Variants in ZFHX4 observed in about 807,000 individuals in gnomAD.
ZFHX4 encodes zinc finger homeobox protein 4.
A neutral mutation model predicts 267.6 loss-of-function variants in ZFHX4; 56 were observed. That is an observed-to-expected ratio of 0.21 (90% CI 0.17 to 0.26). The LOEUF (loss-of-function observed/expected upper bound fraction) is 0.26, where lower values mean the gene tolerates loss of function less well. Among genes scored for constraint, ZFHX4 ranks in the 10% least tolerant of loss-of-function variants. The pLI is 1.00. For missense variants in ZFHX4, 4,332 were observed against 4,420.0 expected (o/e 0.98, Z 0.56); for synonymous variants, 1,778 against 1,665.6 (o/e 1.07, Z -1.64).
At chr8:76,843,867 C>T (rs993916615) in intron 6 of ZFHX4, among the ~76,000 whole-genome samples, 3 of 152,220 alleles carry the variant, frequency 2.0e-5, no homozygotes, top group Non-Finnish European at 2.9e-5. Context: ...TTTTCATTCC[C>T]TTTAAAAATT....
intron 5 of ZFHX4, among the ~76,000 whole-genome samples, chr8:76,835,876 T>C (rs1362092058): frequency 6.6e-6 from 1 of 152,204 alleles, no homozygotes; most frequent in Non-Finnish European, 1.5e-5. Flanking sequence ...TGAGAATCTT[T>C]GGACTTAGAT....
At chr8:76,701,870 C>A (rs947299681) in intron 1 of ZFHX4, among the ~76,000 whole-genome samples, 1 of 152,080 alleles carries the variant, frequency 6.6e-6, no homozygotes, top group Non-Finnish European at 1.5e-5. Flanking sequence ...AAATCACCCT[C>A]GGTTCTGGAA....
intron 4 of ZFHX4, among the ~76,000 whole-genome samples, chr8:76,799,870 C>T (rs1166765094): frequency 2.0e-5 from 3 of 152,130 alleles, no homozygotes; most frequent in Admixed American, 1.3e-4. Flanking sequence ...TGGCTGTATA[C>T]CTCCCGTGTT....
At chr8:76,808,021 A>T (rs1318308657) in intron 4 of ZFHX4, among the ~76,000 whole-genome samples, 1 of 152,106 alleles carries the variant, frequency 6.6e-6, no homozygotes, top group African/African-American at 2.4e-5. Context: ...GTTCCCTTGC[A>T]ATGTTGTTGA....
intron 5 of ZFHX4, among the ~76,000 whole-genome samples, chr8:76,836,133 A>G (rs1812087224): frequency 6.6e-6 from 1 of 152,208 alleles, no homozygotes. Flanking sequence ...TGAATAAGAC[A>G]GATGAAGTCC....
intron 3 of ZFHX4, among the ~76,000 whole-genome samples, chr8:76,755,973 AT>A (rs1809749847): frequency 6.6e-6 from 1 of 152,156 alleles, no homozygotes; most frequent in African/African-American, 2.4e-5. Flanking sequence ...TGTTATTTCC[AT>A]CAACTTGCTT....
At chr8:76,753,001 T>C (rs1299294726) in intron 3 of ZFHX4, among the ~76,000 whole-genome samples, 1 of 152,238 alleles carries the variant, frequency 6.6e-6, no homozygotes, top group African/African-American at 2.4e-5. Context: ...TTTGTACCAG[T>C]GCATGCCAAT....
intron 3 of ZFHX4, among the ~76,000 whole-genome samples, chr8:76,769,409 C>T (rs899514192): frequency 2.6e-5 from 4 of 151,276 alleles, no homozygotes; most frequent in Admixed American, 2.6e-4. Flanking sequence ...GAGTGCAGTG[C>T]CCTGATCACC....
At chr8:76,821,844 A>G (rs1198855563) in intron 4 of ZFHX4, among the ~76,000 whole-genome samples, 1 of 152,152 alleles carries the variant, frequency 6.6e-6, no homozygotes, top group Non-Finnish European at 1.5e-5. Context: ...CAGCTTTGGT[A>G]TGCCTTTTGT....
At chr8:76,850,420 G>A in intron 9 of ZFHX4, 58 bp downstream of exon 9, 2 of 1,361,062 alleles carry the variant, frequency 1.5e-6, no homozygotes, top group Admixed American at 4.3e-5. Context: ...TTGCATTTGT[G>A]GTGGTGCCCA....
chr8:76,745,711 T>C (rs540183611), intron 3 of ZFHX4, among the ~76,000 whole-genome samples: 1 of 152,262 alleles, frequency 6.6e-6, no homozygotes, highest in Admixed American at 6.5e-5. Context: ...TTCATAATAT[T>C]ATGTACAGAA....
chr8:76,785,494 A>T (rs961645087), intron 4 of ZFHX4, among the ~76,000 whole-genome samples: 3 of 152,114 alleles, frequency 2.0e-5, no homozygotes, highest in African/African-American at 7.2e-5. Context: ...TTTAGAATAA[A>T]TGTTATAAAT....
intron 4 of ZFHX4, among the ~76,000 whole-genome samples, chr8:76,814,039 C>T (rs1811441289): frequency 6.6e-6 from 1 of 152,044 alleles, no homozygotes; most frequent in Admixed American, 6.6e-5. Context: ...TAACCGTCAT[C>T]ATGCTATTCT....
intron 4 of ZFHX4, among the ~76,000 whole-genome samples, chr8:76,827,128 G>A (rs1040295414): frequency 1.3e-5 from 2 of 152,220 alleles, no homozygotes; most frequent in African/African-American, 4.8e-5. Context: ...TGGTTTAATG[G>A]AAGACAGTTT....
rs544894589 is a variant in ZFHX4 at position 76,798,901 on chromosome 8, C to T, written c.3325+20462C>T. Among the ~76,000 whole-genome samples, 60 of 152,208 alleles carry T rather than the reference C, an allele frequency of 3.9e-4. 2 individuals are homozygous for T. In the South Asian group the frequency reaches 0.012, roughly 31 times the overall value. ...GGTGTCATACTTACAGCAGATAGAG[C>T]AAATGCATTTGCATCATCCACTCCT... On this transcript the variant is annotated intron_variant, in intron 4 of 10. Transcript: ENST00000651372.
chr8:76,735,467 A>G (rs1351642775), intron 3 of ZFHX4, among the ~76,000 whole-genome samples: 1 of 152,144 alleles, frequency 6.6e-6, no homozygotes, highest in Non-Finnish European at 1.5e-5. Context: ...TTGATTAGGT[A>G]GTATTTTAGT....
rs747307905 is a variant in ZFHX4, at chr8:76,850,953, G to T, written c.4032G>T (p.Lys1344Asn). The T allele has an allele frequency of 6.2e-7, 1 of 1,613,540 alleles. No individual in the cohort carries two copies. The highest frequency in any genetic ancestry group is 1.7e-5 in the Admixed American group (1 of 59,986). ...ATTCAAAGGCTAATGTGGAAGTAAA[G>T]AATGAGGAGCAGAAACCGACTAAAG... ...LEDSKANVEV[K>N]NEEQKPTKEP... The change falls in exon 10 of 11, where the codon AAG becomes AAT. Residue 1344 changes from lysine (K) to asparagine (N), a missense_variant. Coordinates refer to ENST00000651372, the MANE Select transcript of ZFHX4 (RefSeq NM_024721.5).
At chr8:76,748,620 G>A (rs1280325531) in intron 3 of ZFHX4, among the ~76,000 whole-genome samples, 2 of 152,050 alleles carry the variant, frequency 1.3e-5, no homozygotes, top group Non-Finnish European at 2.9e-5. Flanking sequence ...ATTTTCTGTA[G>A]AGATGAGGTC....
At chr8:76,747,039 C>G (rs185519813) in intron 3 of ZFHX4, among the ~76,000 whole-genome samples, 1 of 152,132 alleles carries the variant, frequency 6.6e-6, no homozygotes, top group Admixed American at 6.5e-5. Flanking sequence ...AAACTTCTCA[C>G]GTGCTAAATT....
Sources: allele counts gnomAD v4.1 joint callset (sites outside exome capture counted in the v4.1 genomes callset), GRCh38; gene constraint gnomAD v4.1.1; transcripts MANE v1.5; gene names NCBI Gene and HGNC (gene_info 2026-07-23, HGNC 2026-07-21).